Variants in CFTR observed in about 807,000 individuals in gnomAD.
CFTR encodes the protein CF transmembrane conductance regulator.
In CFTR, 181 loss-of-function variants were observed where a neutral mutation model predicts 171.6. That is an observed-to-expected ratio of 1.05 (90% confidence interval 0.93 to 1.19). The LOEUF is 1.19. Ranked by LOEUF, CFTR falls within the 50% of genes most tolerant of loss-of-function variation. The pLI is 0.00. For synonymous variants in CFTR, 583 were observed against 608.0 expected, an observed-to-expected ratio of 0.96 and a Z score of 0.60; for missense variants, 1,968 against 1,734.7, an observed-to-expected ratio of 1.13 and a Z score of -2.39.
At chr7:117,608,841 C>CT (rs562762005) in intron 18 of CFTR, among the ~76,000 whole-genome samples, 4 of 151,778 alleles carry the variant, frequency 2.6e-5, no homozygotes, top group African/African-American at 7.3e-5. Context: ...TATAAATTTT[C>CT]TTTTTTTAAA....
chr7:117,529,914 A>G (rs924474041), intron 3 of CFTR, among the ~76,000 whole-genome samples: 10 of 152,216 alleles, frequency 6.6e-5, no homozygotes, highest in African/African-American at 1.9e-4. Context: ...TCTGATCCCT[A>G]TTTTACTAAA....
intron 1 of CFTR, among the ~76,000 whole-genome samples, chr7:117,484,017 A>C (rs766297259): frequency 2.0e-5 from 3 of 152,236 alleles, no homozygotes; most frequent in Non-Finnish European, 4.4e-5. Context: ...ATGATACACT[A>C]TTAAAAATTC....
chr7:117,627,424 A>G (rs1792667284), intron 21 of CFTR, 98 bp from the exon 22 acceptor site: 1 of 1,219,968 alleles, frequency 8.2e-7, no homozygotes, highest in Middle Eastern at 2.5e-4. Flanking sequence ...ACAAATAGCA[A>G]GTGTTGCATT....
intron 21 of CFTR, among the ~76,000 whole-genome samples, chr7:117,625,676 A>G (rs1053584785): frequency 2.0e-5 from 3 of 152,182 alleles, no homozygotes; most frequent in Non-Finnish European, 4.4e-5. Context: ...GTTAATCTAC[A>G]TTTGTGTATA....
At chr7:117,606,271 G>A (rs139568843) in intron 17 of CFTR, among the ~76,000 whole-genome samples, 3 of 152,184 alleles carry the variant, frequency 2.0e-5, no homozygotes, top group East Asian at 3.9e-4. Context: ...AGGAGAAGGA[G>A]ACCCCTATGT....
At chr7:117,573,165 C>T (rs1220525349) in intron 11 of CFTR, among the ~76,000 whole-genome samples, 1 of 151,996 alleles carries the variant, frequency 6.6e-6, no homozygotes, top group Non-Finnish European at 1.5e-5. Context: ...TCCTTAACAA[C>T]TTCTGGTTTG....
chr7:117,518,588 A>ATATG lies in CFTR; in HGVS notation c.273+9447_273+9448insATGT, dbSNP rs1485856686. On this transcript the variant is annotated intron_variant, in intron 3 of 26. Transcript: ENST00000003084. ...TAAAAACATATATATATATATATAT[A>ATATG]TGTGTGTTTTCTGCCTTTCATTTTT... is the stretch of plus-strand genomic sequence containing the variant. Among the ~76,000 whole-genome samples, 380 of 147,330 alleles carry ATATG rather than the reference A, an allele frequency of 2.6e-3. 2 individuals are homozygous for ATATG. The highest frequency in any genetic ancestry group is 9.3e-3 in the African/African-American group (372 of 40,098).
In CFTR at chr7:117,603,592, T is replaced by G; in HGVS notation, c.2718T>G (p.Ile906Met). 1 of 1,614,028 alleles carries G rather than the reference T, an allele frequency of 6.2e-7. No individual in the cohort carries two copies. Among genetic ancestry groups the G allele is most frequent in the South Asian group, 1.1e-5 (1 of 91,086 alleles). ...GTAGAAATAACAGCTATGCAGTGAT[T>G]ATCACCAGCACCAGTTCGTATTATG... ...THSRNNSYAV[I>M]ITSTSSYYVF... Residue 906 changes from isoleucine (I) to methionine (M), a missense_variant, in exon 17 of 27, where the codon ATT becomes ATG. Coordinates refer to ENST00000003084, the MANE Select transcript of CFTR (RefSeq NM_000492.4).
rs1057516609 is a variant in CFTR at position 117,627,586 on chromosome 7, C to A, written c.3533C>A (p.Ser1178Ter). Residue 1178 changes from serine to a stop codon, truncating the protein, a stop_gained, in exon 22 of 27, where the codon TCA becomes TAA. Coordinates refer to ENST00000003084, the MANE Select transcript of CFTR (RefSeq NM_000492.4). LOFTEE classifies it high-confidence loss of function. ...DMPTEGKPTK[S>*]TKPYKNGQLS... is the part of the protein sequence containing the mutation. ...CCAACAGAAGGTAAACCTACCAAGT[C>A]AACCAAACCATACAAGAATGGCCAA... 6.2e-7 allele frequency: 1 copy of A among 1,613,316 alleles called. No homozygotes were observed. Among genetic ancestry groups the A allele is most frequent in the Non-Finnish European group, 8.5e-7 (1 of 1,179,476 alleles).
chr7:117,637,916 C>G (rs1417473418), intron 22 of CFTR, among the ~76,000 whole-genome samples: 1 of 152,024 alleles, frequency 6.6e-6, no homozygotes, highest in African/African-American at 2.4e-5. Flanking sequence ...AAAATGGTTA[C>G]TTTTCCCTTT....
chr7:117,609,868 G>A (rs1792356050), intron 18 of CFTR, among the ~76,000 whole-genome samples: 1 of 152,004 alleles, frequency 6.6e-6, no homozygotes, highest in South Asian at 2.1e-4. Flanking sequence ...AGAACACCAT[G>A]TTTTCAAACT....
intron 20 of CFTR, among the ~76,000 whole-genome samples, chr7:117,612,046 T>C (rs888016379): frequency 6.7e-5 from 5 of 74,268 alleles, no homozygotes; most frequent in African/African-American, 1.8e-4. Flanking sequence ...TATATATATA[T>C]ATATATACAT....
intron 2 of CFTR, among the ~76,000 whole-genome samples, 169 bp from the exon 3 acceptor site, chr7:117,508,865 A>G (rs1352367498): frequency 6.6e-6 from 1 of 152,236 alleles, no homozygotes; most frequent in Non-Finnish European, 1.5e-5. Context: ...TCTGCCAAAT[A>G]TCTGGCTGAG....
rs1454461758 is a variant in CFTR, at chr7:117,530,894, T to A, written c.274-5T>A. On this transcript the variant is annotated splice_region_variant and splice_polypyrimidine_tract_variant and intron_variant, in intron 3 of 26. Transcript: ENST00000003084. The stretch of plus-strand genomic sequence containing the variant: ...TTTAATTTCTCTGTTTTTCCCCTTT[T>A]GTAGGAAGTCACCAAAGCAGTACAG... 6.3e-7 allele frequency: 1 copy of A among 1,587,108 alleles called. No individual in the cohort carries two copies. The highest frequency in any genetic ancestry group is 1.7e-5 in the Admixed American group (1 of 59,780).
At chr7:117,572,525 G>T (rs557555683) in intron 11 of CFTR, among the ~76,000 whole-genome samples, 3 of 152,182 alleles carry the variant, frequency 2.0e-5, no homozygotes, top group African/African-American at 7.2e-5. Flanking sequence ...ATCATACAGG[G>T]CCATGTAACA....
intron 2 of CFTR, among the ~76,000 whole-genome samples, chr7:117,506,896 A>G (rs1798427522): frequency 6.6e-6 from 1 of 152,126 alleles, no homozygotes; most frequent in African/African-American, 2.4e-5. Flanking sequence ...AGAGTGACAT[A>G]CCATTTTTGG....
At chr7:117,547,711 C>T (rs1157538376) in intron 9 of CFTR, among the ~76,000 whole-genome samples, 1 of 152,130 alleles carries the variant, frequency 6.6e-6, no homozygotes, top group African/African-American at 2.4e-5. Flanking sequence ...GTCATTCTCT[C>T]ATGGTCCCTT....
intron 15 of CFTR, among the ~76,000 whole-genome samples, chr7:117,597,889 G>A (rs1792160430): frequency 6.6e-6 from 1 of 152,006 alleles, no homozygotes; most frequent in Admixed American, 6.6e-5. Flanking sequence ...ATCGACACAA[G>A]AGGTGCCTGA....
At chr7:117,606,540 T>G in intron 17 of CFTR, 134 bp from the exon 18 acceptor site, 2 of 641,464 alleles carry the variant, frequency 3.1e-6, no homozygotes, top group Non-Finnish European at 5.6e-6. Context: ...TTTCTAAGTC[T>G]ATCTGATTCT....
Sources: gnomAD v4.1 joint callset for allele counts (sites outside exome capture counted in the v4.1 genomes callset) on GRCh38, gnomAD v4.1.1 for gene constraint, MANE v1.5 for transcripts, NCBI Gene and HGNC (gene_info 2026-07-23, HGNC 2026-07-21) for gene names.